The following RNF141 variants were observed in gnomAD, a reference collection of about 807,000 sequenced individuals.
RNF141 encodes ring finger protein 141.
Under a neutral mutation model 27.4 loss-of-function variants are expected in RNF141, and 18 were observed. The ratio of observed to expected loss-of-function variants is 0.66; its 90% CI spans 0.45 to 0.97. The LOEUF (loss-of-function observed/expected upper bound fraction) is 0.97. Among genes scored for constraint, RNF141 ranks in the 50% least tolerant of loss-of-function variants. RNF141 has a pLI of 0.00. For missense variants in RNF141, 230 were observed against 279.4 expected (o/e 0.82, Z 1.26); for synonymous variants, 97 against 96.6 (o/e 1.00, Z -0.02).
intron 4 of RNF141, among the ~76,000 whole-genome samples, chr11:10,524,974 A>C (rs1849919167): frequency 6.6e-6 from 1 of 152,176 alleles, no homozygotes; most frequent in African/African-American, 2.4e-5. Context: ...GTGTGACAGA[A>C]ACATTAATAT....
At chr11:10,528,252 T>C (rs1179051068) in intron 3 of RNF141, among the ~76,000 whole-genome samples, 1 of 152,178 alleles carries the variant, frequency 6.6e-6, no homozygotes, top group Non-Finnish European at 1.5e-5. Context: ...CAATCTCCTA[T>C]CAGTTTTTCA....
chr11:10,539,393 A>C (rs1456047094), intron 1 of RNF141, among the ~76,000 whole-genome samples: 3 of 152,024 alleles, frequency 2.0e-5, no homozygotes, highest in Non-Finnish European at 2.9e-5. Context: ...GTTCTCCATC[A>C]AATTTTGTAT....
In RNF141 at chr11:10,539,701, A is replaced by ATATATATATATATATATATACAC. The variant is rs10524171; in HGVS notation, c.-48+1420_-48+1421insGTGTATATATATATATATATATA. 7.9e-4 allele frequency among the ~76,000 whole-genome samples: 25 copies of ATATATATATATATATATATACAC among 31,466 alleles called. 1 individual carries two copies. The highest frequency in any genetic ancestry group is 1.7e-3 in the Non-Finnish European group (24 of 13,864). 20.6% of individuals were successfully genotyped at this position (31,466 alleles called of 152,430 possible). A position where few individuals can be genotyped will look rare whatever the true frequency, so the allele number is the denominator to read the frequency against. On this transcript the variant is annotated intron_variant, in intron 1 of 5. Transcript: ENST00000265981. ...AGAAAAAGATACATACATATATATT[A>ATATATATATATATATATATACAC]GAGAGAGAAGGAGAGAGAAACTACA... is the stretch of plus-strand genomic sequence containing the variant.
chr11:10,530,249 T>C (rs1849973775), intron 3 of RNF141, among the ~76,000 whole-genome samples: 1 of 152,218 alleles, frequency 6.6e-6, no homozygotes, highest in Non-Finnish European at 1.5e-5. Flanking sequence ...CAATGGATCT[T>C]TTTTCTTTTT....
chr11:10,519,206 G>T, intron 4 of RNF141, 65 bp from the exon 5 acceptor site: 1 of 1,412,028 alleles, frequency 7.1e-7, no homozygotes, highest in Non-Finnish European at 9.9e-7. Context: ...ACTTTTTGTT[G>T]CTTTAAAAAG....
chr11:10,531,350 G>A (rs1849984525), intron 2 of RNF141, among the ~76,000 whole-genome samples: 1 of 145,212 alleles, frequency 6.9e-6, no homozygotes, highest in Non-Finnish European at 1.5e-5. Context: ...ACTCCAGCCT[G>A]GGCGACAGAG....
At chr11:10,521,776 C>A (rs182403694) in intron 4 of RNF141, among the ~76,000 whole-genome samples, 6 of 152,288 alleles carry the variant, frequency 3.9e-5, no homozygotes, top group African/African-American at 4.8e-5. Context: ...AAAGCAAAAT[C>A]ATGTGTGTTT....
chr11:10,517,106 G>A (rs1564865137), intron 5 of RNF141: 1 of 151,126 alleles, frequency 6.6e-6, no homozygotes, highest in Non-Finnish European at 1.5e-5. Flanking sequence ...AGATAAAATG[G>A]AAAGTTATTA....
At chr11:10,526,206 A>G (rs1849934628) in intron 3 of RNF141, among the ~76,000 whole-genome samples, 1 of 152,208 alleles carries the variant, frequency 6.6e-6, no homozygotes, top group Non-Finnish European at 1.5e-5. Flanking sequence ...GAAGTAAGCC[A>G]TGAAATCTAT....
chr11:10,521,841 G>T (rs979799033), intron 4 of RNF141, among the ~76,000 whole-genome samples: 2 of 152,176 alleles, frequency 1.3e-5, no homozygotes, highest in African/African-American at 4.8e-5. Flanking sequence ...ATGGAAAACT[G>T]AGGAAAAAGA....
At chr11:10,536,934 T>C (rs1318765053) in intron 1 of RNF141, among the ~76,000 whole-genome samples, 1 of 152,190 alleles carries the variant, frequency 6.6e-6, no homozygotes, top group Admixed American at 6.5e-5. Flanking sequence ...CTCTAAGCAG[T>C]TGGCTTTAAA....
chr11:10,532,537 A>ACACACACC (rs777997279), intron 2 of RNF141, among the ~76,000 whole-genome samples: 31 of 95,072 alleles, frequency 3.3e-4, no homozygotes, highest in South Asian at 1.3e-3. Flanking sequence ...ACACACACAC[A>ACACACACC]CCCCACAACT....
chr11:10,519,593 C>T (rs542526620), intron 4 of RNF141, among the ~76,000 whole-genome samples: 4 of 152,288 alleles, frequency 2.6e-5, no homozygotes, highest in African/African-American at 9.6e-5. Flanking sequence ...GTTTAGCCTA[C>T]TACTACATAC....
chr11:10,516,944 C>A (rs1038962167), intron 5 of RNF141: 12 of 151,062 alleles, frequency 7.9e-5, no homozygotes, highest in African/African-American at 2.9e-4. Context: ...TATCCAATAC[C>A]CAAAAAGGTA....
chr11:10,535,567 G>A (rs1193427965), intron 1 of RNF141, among the ~76,000 whole-genome samples: 1 of 151,654 alleles, frequency 6.6e-6, no homozygotes, highest in East Asian at 1.9e-4. Flanking sequence ...TCTTAGCTTA[G>A]AAGAGGTCTC....
At chr11:10,522,202 A>G (rs1849893255) in intron 4 of RNF141, among the ~76,000 whole-genome samples, 1 of 152,230 alleles carries the variant, frequency 6.6e-6, no homozygotes. Context: ...CTAGATGGAT[A>G]TGGGTCTAAT....
Position 10,514,864 on chromosome 11 carries a change from C to A in RNF141, c.*52G>T. ...GTGCCACAACCCTACATTCTTCCCC[C>A]ATGACCAAATATTTGAGCCCACAAT... On this transcript the variant is annotated 3_prime_UTR_variant, in exon 6 of 6. Coordinates refer to ENST00000265981, the MANE Select transcript of RNF141 (RefSeq NM_016422.4). The A allele has an allele frequency of 1.3e-6, 2 of 1,547,920 alleles. No homozygotes were observed. Among genetic ancestry groups the A allele is most frequent in the South Asian group, 2.5e-5 (2 of 80,248 alleles).
At chr11:10,517,345 AAAAG>A (rs1849850993) in intron 5 of RNF141, 1 of 152,178 alleles carries the variant, frequency 6.6e-6, no homozygotes, top group African/African-American at 2.4e-5. Context: ...AAAGACTCAA[AAAAG>A]AAAGAAAAAA....
chr11:10,526,656 G>A (rs564531295), intron 3 of RNF141, among the ~76,000 whole-genome samples: 2 of 152,118 alleles, frequency 1.3e-5, no homozygotes, highest in South Asian at 2.1e-4. Flanking sequence ...GGTGGCACAC[G>A]CCTATAGTCC....
Sources: gnomAD v4.1 joint callset for allele counts (sites outside exome capture counted in the v4.1 genomes callset) on GRCh38, gnomAD v4.1.1 for gene constraint, MANE v1.5 for transcripts, NCBI Gene and HGNC (gene_info 2026-07-23, HGNC 2026-07-21) for gene names.